Variants in GNAQ observed in about 807,000 individuals in gnomAD.
GNAQ encodes the protein guanine nucleotide-binding protein G(q) subunit alpha.
In GNAQ, 8 loss-of-function variants were observed where a neutral mutation model predicts 43.9. The observed-to-expected ratio is 0.18, with a 90% CI of 0.11 to 0.33. The LOEUF is 0.33. Among genes scored for constraint, GNAQ ranks in the 10% least tolerant of loss-of-function variants. GNAQ has a pLI of 1.00. For synonymous variants in GNAQ, 155 were observed against 170.7 expected (o/e 0.91, Z 0.71); for missense variants, 158 against 450.8 (o/e 0.35, Z 5.88).
chr9:77,869,860 A>G (rs1828007911), intron 2 of GNAQ, among the ~76,000 whole-genome samples: 2 of 152,184 alleles, frequency 1.3e-5, no homozygotes, highest in South Asian at 4.1e-4. Context: ...CTTTCTAGCC[A>G]TGCAGCTACA....
intron 2 of GNAQ, among the ~76,000 whole-genome samples, chr9:77,909,560 ACAGAAG>A (rs1418348129): frequency 1.3e-5 from 2 of 152,158 alleles, no homozygotes; most frequent in Non-Finnish European, 2.9e-5. Context: ...GTGCACATTG[ACAGAAG>A]CAGATAACCT....
At chr9:77,927,652 C>T (rs1046341775) in intron 1 of GNAQ, among the ~76,000 whole-genome samples, 2 of 151,930 alleles carry the variant, frequency 1.3e-5, no homozygotes, top group South Asian at 4.1e-4. Context: ...CATACCACTT[C>T]TACTTTTTTT....
chr9:77,776,548 A>T (rs1216342539), intron 5 of GNAQ, among the ~76,000 whole-genome samples: 1 of 152,246 alleles, frequency 6.6e-6, no homozygotes, highest in Admixed American at 6.5e-5. Context: ...TAATAGTGCA[A>T]TAACAATTTG....
intron 5 of GNAQ, among the ~76,000 whole-genome samples, chr9:77,784,615 C>T (rs1826448369): frequency 6.6e-6 from 1 of 152,022 alleles, no homozygotes; most frequent in Non-Finnish European, 1.5e-5. Flanking sequence ...GGGAAAGATT[C>T]CTTAAGGAGG....
intron 2 of GNAQ, among the ~76,000 whole-genome samples, chr9:77,846,305 G>A (rs1827584395): frequency 1.3e-5 from 2 of 152,200 alleles, no homozygotes; most frequent in South Asian, 4.1e-4. Context: ...AGCTGTGGCT[G>A]CCCCTTGGGA....
At chr9:77,984,290 C>T (rs1420610107) in intron 1 of GNAQ, among the ~76,000 whole-genome samples, 3 of 151,704 alleles carry the variant, frequency 2.0e-5, no homozygotes, top group African/African-American at 4.8e-5. Context: ...CCACCTTAGC[C>T]TCCTGAGTAG....
chr9:77,887,863 C>A (rs1009882446), intron 2 of GNAQ, among the ~76,000 whole-genome samples: 1 of 152,198 alleles, frequency 6.6e-6, no homozygotes, highest in Non-Finnish European at 1.5e-5. Flanking sequence ...TTTGTCCACA[C>A]CCTTTCAATA....
chr9:77,722,690 T>C (rs1457583187), intron 6 of GNAQ, among the ~76,000 whole-genome samples: 1 of 147,624 alleles, frequency 6.8e-6, no homozygotes, highest in Non-Finnish European at 1.5e-5. Context: ...AGGGTCTTGC[T>C]CTGCTACCCA....
chr9:77,773,067 C>A (rs557522923), intron 5 of GNAQ, among the ~76,000 whole-genome samples: 2 of 152,200 alleles, frequency 1.3e-5, no homozygotes, highest in Non-Finnish European at 2.9e-5. Flanking sequence ...GTAGCTGTAT[C>A]TTAAAAATAT....
At chr9:77,767,098 C>G (rs1324311699) in intron 5 of GNAQ, among the ~76,000 whole-genome samples, 1 of 152,042 alleles carries the variant, frequency 6.6e-6, no homozygotes, top group Non-Finnish European at 1.5e-5. Context: ...TGTCATAAAC[C>G]AAATAAATGA....
At chr9:77,919,387 T>C (rs937859386) in intron 2 of GNAQ, among the ~76,000 whole-genome samples, 40 of 152,130 alleles carry the variant, frequency 2.6e-4, no homozygotes, top group African/African-American at 9.2e-4. Context: ...CAAGTCACCA[T>C]AATCAATACA....
At chr9:77,985,243 G>A (rs1823420763) in intron 1 of GNAQ, among the ~76,000 whole-genome samples, 1 of 152,184 alleles carries the variant, frequency 6.6e-6, no homozygotes, top group African/African-American at 2.4e-5. Context: ...AACCCAGGAG[G>A]CGGAGCTTGC....
chr9:77,829,931 T>C (rs988379101), intron 2 of GNAQ, among the ~76,000 whole-genome samples: 29 of 152,298 alleles, frequency 1.9e-4, no homozygotes, highest in African/African-American at 6.7e-4. Flanking sequence ...TGTGATTTAA[T>C]TGGTCTGAGA....
At chr9:77,745,469 T>G (rs1825714952) in intron 5 of GNAQ, among the ~76,000 whole-genome samples, 1 of 149,724 alleles carries the variant, frequency 6.7e-6, no homozygotes, top group Non-Finnish European at 1.5e-5. Context: ...TACTTTAAAG[T>G]GGAAAAAAAA....
intron 1 of GNAQ, among the ~76,000 whole-genome samples, chr9:78,003,710 G>A (rs1484395454): frequency 6.6e-6 from 1 of 151,918 alleles, no homozygotes; most frequent in African/African-American, 2.4e-5. Context: ...CAGCTACTGG[G>A]GAGGCTGAGG....
chr9:77,763,242 T>C (rs933320911), intron 5 of GNAQ, among the ~76,000 whole-genome samples: 2 of 151,074 alleles, frequency 1.3e-5, no homozygotes, highest in African/African-American at 4.9e-5. Flanking sequence ...AAGATTGCAA[T>C]GTGTGTAGTA....
At chr9:77,965,064 T>C (rs1428056481) in intron 1 of GNAQ, among the ~76,000 whole-genome samples, 2 of 151,784 alleles carry the variant, frequency 1.3e-5, no homozygotes, top group Admixed American at 6.6e-5. Flanking sequence ...TCCATTACTG[T>C]AACTACTCAA....
intron 3 of GNAQ, among the ~76,000 whole-genome samples, chr9:77,811,589 G>C (rs551493597): frequency 6.6e-6 from 1 of 152,314 alleles, no homozygotes; most frequent in South Asian, 2.1e-4. Context: ...TGGAGCATCT[G>C]CAGTGATTAC....
intron 1 of GNAQ, among the ~76,000 whole-genome samples, chr9:78,027,488 T>C (rs749575490): frequency 2.6e-5 from 4 of 152,138 alleles, no homozygotes; most frequent in Admixed American, 6.5e-5. Flanking sequence ...TGTGCTCATA[T>C]ATAAAATTCA....
Sources: gnomAD v4.1 joint callset for allele counts (sites outside exome capture counted in the v4.1 genomes callset) on GRCh38, gnomAD v4.1.1 for gene constraint, MANE v1.5 for transcripts, NCBI Gene and HGNC (gene_info 2026-07-23, HGNC 2026-07-21) for gene names.